The following ASB18 variants were observed in gnomAD, a reference collection of about 807,000 sequenced individuals.
ASB18 encodes ankyrin repeat and SOCS box containing 18, also known as ankyrin repeat and SOCS box protein 18.
In ASB18, 33 loss-of-function variants were observed where a neutral mutation model predicts 33.4. The ratio of observed to expected loss-of-function variants is 0.99; its 90% confidence interval spans 0.75 to 1.32. The LOEUF (loss-of-function observed/expected upper bound fraction) is 1.32, where lower values mean the gene tolerates loss of function less well. Ranked by LOEUF, ASB18 falls within the 40% of genes most tolerant of loss-of-function variation. ASB18 has a pLI of 0.00. For synonymous variants in ASB18, 295 were observed against 307.6 expected (o/e 0.96, Z 0.43); for missense variants, 694 against 655.5 (o/e 1.06, Z -0.64).
Position 236,216,292 on chromosome 2 carries a change from C to T in ASB18, c.597-1426G>A, listed in dbSNP as rs764227057. Among the ~76,000 whole-genome samples the T allele has an allele frequency of 2.0e-5, 3 of 152,206 alleles. No individual in the cohort carries two copies. The highest frequency in any genetic ancestry group is 4.4e-5 in the Non-Finnish European group (3 of 68,046). ...ATGTTGACCTTGGTCCTCAAGCTTC[C>T]GCCCTCTTCCTTTTCAGCTGTCTAC... On this transcript the variant is annotated intron_variant, in intron 3 of 5. Transcript: ENST00000409749. This position sits in a 1 kb window ranked among gnomAD's most constrained non-coding sequence, Gnocchi z 6.1.
At position 236,194,823 on chromosome 2, in the gene ASB18, T is replaced by C. The variant is rs1323444126; in HGVS notation, c.*49A>G. The C allele has an allele frequency of 3.3e-6, 5 of 1,526,594 alleles. No individual in the cohort carries two copies. Among genetic ancestry groups the C allele is most frequent in the East Asian group, 2.3e-5 (1 of 43,318 alleles). The allele number at this position is 1,526,594 out of a possible 1,614,324, so 94.6% of individuals were successfully genotyped here. On this transcript the variant is annotated 3_prime_UTR_variant, in exon 6 of 6. Coordinates refer to ENST00000409749, the MANE Select transcript of ASB18 (RefSeq NM_212556.4). This position sits in a 1 kb window ranked among gnomAD's most constrained non-coding sequence, Gnocchi z 4.5. The stretch of plus-strand genomic sequence containing the variant: ...GGCACTCTCCAACACACGGCCTCCA[T>C]GGAAGGTCAGCGAGGAGAACAACAG...
intron 1 of ASB18, among the ~76,000 whole-genome samples, chr2:236,246,180 C>G (rs938469273): frequency 2.0e-5 from 3 of 151,792 alleles, no homozygotes; most frequent in Non-Finnish European, 4.4e-5. Context: ...TGGTGAAACC[C>G]CATCTCTACT....
chr2:236,214,272 T>C lies in ASB18; in HGVS notation c.1101+90A>G. Reference sequence around the variant, plus strand: ...CAGGGGTGCCTGGGCCATTACACTTTGAGAGCGCCGCATGCAACCCAGCTC... The same window carrying C: ...CAGGGGTGCCTGGGCCATTACACTTCGAGAGCGCCGCATGCAACCCAGCTC... On this transcript the variant is annotated intron_variant, in intron 4 of 5. Transcript: ENST00000409749. The surrounding 1 kb of genome is among the most constrained non-coding windows in gnomAD (Gnocchi z 6.5). The C allele has an allele frequency of 7.3e-7, 1 of 1,374,364 alleles. No individual in the cohort carries two copies. Among genetic ancestry groups the C allele is most frequent in the Non-Finnish European group, 9.8e-7 (1 of 1,024,958 alleles). The allele number at this position is 1,374,364 out of a possible 1,614,324, so 85.1% of individuals were successfully genotyped here.
In ASB18 at chr2:236,239,165, G is replaced by A. The variant is rs991643474; in HGVS notation, c.329-1209C>T. ...GTAGTCTATCTACATTGTTATCCCC[G>A]TGATAACAATAACCTACATTCCTGC... On this transcript the variant is annotated intron_variant, in intron 2 of 5. Transcript: ENST00000409749. The surrounding 1 kb of genome is among the most constrained non-coding windows in gnomAD (Gnocchi z 5.6). Among the ~76,000 whole-genome samples the A allele has an allele frequency of 2.6e-5, 4 of 152,196 alleles. No individual in the cohort carries two copies. The highest frequency in any genetic ancestry group is 6.5e-5 in the Admixed American group (1 of 15,276).
In ASB18 at chr2:236,231,365, A is replaced by G. The variant is rs1439981567; in HGVS notation, c.596+6324T>C. ...TAATAGTATTAAGAGGTGGGTCATT[A>G]GGAAGTGATTAGGCCCTCATAGATG... is the stretch of plus-strand genomic sequence containing the variant. On this transcript the variant is annotated intron_variant, in intron 3 of 5. Coordinates refer to ENST00000409749, the MANE Select transcript of ASB18 (RefSeq NM_212556.4). This position sits in a 1 kb window ranked among gnomAD's most constrained non-coding sequence, Gnocchi z 5.5. Among the ~76,000 whole-genome samples, 1 of 152,206 alleles carries G rather than the reference A, an allele frequency of 6.6e-6. No homozygotes were observed.
chr2:236,252,577 G>A lies in ASB18; in HGVS notation c.206-11175C>T, dbSNP rs1026381334. ...TTTTCTCCTCTTGATCTATTGTTGC[G>A]GGGAGCTATACCCTATGTTCTGGCC... On this transcript the variant is annotated intron_variant, in intron 1 of 5. Transcript: ENST00000409749. This position sits in a 1 kb window ranked among gnomAD's most constrained non-coding sequence, Gnocchi z 7.9. 3.9e-5 allele frequency among the ~76,000 whole-genome samples: 6 copies of A among 152,056 alleles called. No homozygotes were observed. In the South Asian group the frequency reaches 1.2e-3, roughly 32 times the overall value.
At chr2:236,210,931 G>A (rs1403571210) in intron 4 of ASB18, among the ~76,000 whole-genome samples, 1 of 152,106 alleles carries the variant, frequency 6.6e-6, no homozygotes, top group African/African-American at 2.4e-5. Flanking sequence ...CATTTTCTGG[G>A]GTCAAACCAG....
chr2:236,252,267 T>TCTCACACACACA lies in ASB18; in HGVS notation c.206-10866_206-10865insTGTGTGTGTGAG, dbSNP rs141179555. Among the ~76,000 whole-genome samples the TCTCACACACACA allele has an allele frequency of 7.2e-6, 1 of 138,580 alleles. No homozygotes were observed. The highest frequency in any genetic ancestry group is 7.4e-5 in the Admixed American group (1 of 13,498). 90.9% of individuals were successfully genotyped at this position (138,580 alleles called of 152,430 possible). A position where few individuals can be genotyped will look rare whatever the true frequency, so the allele number is the denominator to read the frequency against. On this transcript the variant is annotated intron_variant, in intron 1 of 5. Coordinates refer to ENST00000409749, the MANE Select transcript of ASB18 (RefSeq NM_212556.4). The surrounding 1 kb of genome is among the most constrained non-coding windows in gnomAD (Gnocchi z 7.9). ...GCCTTGGCAACAGAGTGAGACTCCG[T>TCTCACACACACA]CACACACACACACACACACACACAC...
chr2:236,247,125 C>CTT (rs3033949), intron 1 of ASB18, among the ~76,000 whole-genome samples: 92 of 133,718 alleles, frequency 6.9e-4, no homozygotes, highest in African/African-American at 2.0e-3. Context: ...GAAACAGACT[C>CTT]TTTTTTTTTT....
chr2:236,256,995 T>C lies in ASB18; in HGVS notation c.205+7146A>G, dbSNP rs930778410. ...AAAGAGAGGGCTGCTGCAGCAGCCATTTTGTTCCTAAATAATTCAACTATA... is the reference window on the plus strand; with the variant it reads ...AAAGAGAGGGCTGCTGCAGCAGCCACTTTGTTCCTAAATAATTCAACTATA... On this transcript the variant is annotated intron_variant, in intron 1 of 5. Transcript: ENST00000409749. This position sits in a 1 kb window ranked among gnomAD's most constrained non-coding sequence, Gnocchi z 4.7. 2.0e-5 allele frequency among the ~76,000 whole-genome samples: 3 copies of C among 152,162 alleles called. No individual in the cohort carries two copies. The highest frequency in any genetic ancestry group is 7.2e-5 in the African/African-American group (3 of 41,452).
Position 236,203,884 on chromosome 2 carries a change from A to AAACCAACCAACCAACCAATC in ASB18, c.1102-7500_1102-7499insGATTGGTTGGTTGGTTGGTT, listed in dbSNP as rs1553599327. 6.6e-5 allele frequency among the ~76,000 whole-genome samples: 8 copies of AAACCAACCAACCAACCAATC among 120,824 alleles called. No homozygotes were observed. The East Asian group carries it at 7.9e-4, about 12-fold the overall frequency. The allele number at this position is 120,824 out of a possible 152,430, so 79.3% of individuals were successfully genotyped here. A position where few individuals can be genotyped will look rare whatever the true frequency, so the allele number is the denominator to read the frequency against. On this transcript the variant is annotated intron_variant, in intron 4 of 5. Transcript: ENST00000409749. This position sits in a 1 kb window ranked among gnomAD's most constrained non-coding sequence, Gnocchi z 6.0. ...CCCCTCTCAAAAACCAAACCAAACCAAACCAACCAACCAACCAACCAACCA... is the reference window on the plus strand; with the variant it reads ...CCCCTCTCAAAAACCAAACCAAACCAAACCAACCAACCAACCAATCAACCAACCAACCAACCAACCAACCA...
chr2:236,246,616 G>A (rs111699014), intron 1 of ASB18, among the ~76,000 whole-genome samples: 39,330 of 151,698 alleles, frequency 0.26, 7,719 homozygotes, highest in African/African-American at 0.56. Context: ...TAGAGCCTTC[G>A]TTGGAGATCA....
intron 4 of ASB18, among the ~76,000 whole-genome samples, chr2:236,198,248 T>G (rs937928632): frequency 3.9e-5 from 6 of 152,238 alleles, no homozygotes; most frequent in Non-Finnish European, 7.3e-5. Flanking sequence ...TGCTAATGTT[T>G]TATGTGTTTA....
In ASB18 at chr2:236,216,741, A is replaced by G. The variant is rs1002159593; in HGVS notation, c.597-1875T>C. Among the ~76,000 whole-genome samples, 6 of 152,028 alleles carry G rather than the reference A, an allele frequency of 3.9e-5. No individual in the cohort carries two copies. The highest frequency in any genetic ancestry group is 1.4e-4 in the African/African-American group (6 of 41,404). On this transcript the variant is annotated intron_variant, in intron 3 of 5. Coordinates refer to ENST00000409749, the MANE Select transcript of ASB18 (RefSeq NM_212556.4). This position sits in a 1 kb window ranked among gnomAD's most constrained non-coding sequence, Gnocchi z 6.1. Reference sequence around the variant, plus strand: ...TCTGGAAAGAGCCTTTCCAGTGCCAATCAAATGTGCCTGCCAACAACCCCA... The same window carrying G: ...TCTGGAAAGAGCCTTTCCAGTGCCAGTCAAATGTGCCTGCCAACAACCCCA...
rs1350092714 is a variant in ASB18 at position 236,251,481 on chromosome 2, G to T, written c.206-10079C>A. ...GATTGTTTTTTATGAATCTCACACA[G>T]GGAGCAAAATACTTCTCTCTTGAAG... On this transcript the variant is annotated intron_variant, in intron 1 of 5. Coordinates refer to ENST00000409749, the MANE Select transcript of ASB18 (RefSeq NM_212556.4). This position sits in a 1 kb window ranked among gnomAD's most constrained non-coding sequence, Gnocchi z 5.3. Among the ~76,000 whole-genome samples, 2 of 152,192 alleles carry T rather than the reference G, an allele frequency of 1.3e-5. No individual in the cohort carries two copies. Among genetic ancestry groups the T allele is most frequent in the African/African-American group, 4.8e-5 (2 of 41,450 alleles).
rs1240515151 is a variant in ASB18, at chr2:236,194,458, T to C, written c.*414A>G. On this transcript the variant is annotated 3_prime_UTR_variant, in exon 6 of 6. Transcript: ENST00000409749. The surrounding 1 kb of genome is among the most constrained non-coding windows in gnomAD (Gnocchi z 4.5). ...GATCTTTTTGTGACCAGAAATATGC[T>C]GTAGGAACATCATTCTTGTTTATAT... Among the ~76,000 whole-genome samples the C allele has an allele frequency of 6.6e-6, 1 of 152,264 alleles. No homozygotes were observed. Among genetic ancestry groups the C allele is most frequent in the Non-Finnish European group, 1.5e-5 (1 of 68,046 alleles).
rs76920697 is a variant in ASB18, at chr2:236,239,684, C to A, written c.328+1596G>T. ...CCAGCATTCTATCACGGAGGGGCAC[C>A]GAGGTGGTGGCCACTGGGGACCTGC... On this transcript the variant is annotated intron_variant, in intron 2 of 5. Transcript: ENST00000409749. The surrounding 1 kb of genome is among the most constrained non-coding windows in gnomAD (Gnocchi z 5.6). Among the ~76,000 whole-genome samples, 3 of 152,244 alleles carry A rather than the reference C, an allele frequency of 2.0e-5. No homozygotes were observed. The highest frequency in any genetic ancestry group is 4.4e-5 in the Non-Finnish European group (3 of 68,038).
At chr2:236,246,346 CAAAAAAAAAAAAAAAAA>C (rs60064230) in intron 1 of ASB18, among the ~76,000 whole-genome samples, 5 of 32,702 alleles carry the variant, frequency 1.5e-4, no homozygotes, top group Non-Finnish European at 2.9e-4. Flanking sequence ...GACTCCATCT[CAAAAAAAAAAAAAAAAA>C]AAAAAAAAAA....
chr2:236,202,099 G>A (rs112389170), intron 4 of ASB18, among the ~76,000 whole-genome samples: 13,895 of 151,812 alleles, frequency 0.092, 846 homozygotes, highest in Middle Eastern at 0.2. Flanking sequence ...ACAGGGACCC[G>A]CCATCATGCC....
Sources: gnomAD v4.1 joint callset for allele counts (sites outside exome capture counted in the v4.1 genomes callset) on GRCh38, gnomAD v4.1.1 for gene constraint, Gnocchi (gnomAD v3.1) non-coding constraint, MANE v1.5 for transcripts, NCBI Gene and HGNC (gene_info 2026-07-23, HGNC 2026-07-21) for gene names.